CDH10: variants seen among roughly 807,000 people sequenced by gnomAD.
CDH10 encodes the protein cadherin-10.
A neutral mutation model predicts 73.1 loss-of-function variants in CDH10; 30 were observed. The ratio of observed to expected loss-of-function variants is 0.41; its 90% confidence interval spans 0.31 to 0.56. CDH10 has a LOEUF of 0.56. Among genes scored for constraint, CDH10 ranks in the 20% least tolerant of loss-of-function variants. CDH10 has a pLI of 0.27. For missense variants in CDH10, 815 were observed against 973.7 expected, an observed-to-expected ratio of 0.84 and a Z score of 2.17; for synonymous variants, 345 against 348.2, an observed-to-expected ratio of 0.99 and a Z score of 0.10.
intron 2 of CDH10, among the ~76,000 whole-genome samples, chr5:24,581,828 TG>T (rs1745814085): frequency 6.6e-6 from 1 of 152,222 alleles, no homozygotes; most frequent in Non-Finnish European, 1.5e-5. Context: ...TTTCATTATT[TG>T]CTTGGATTTA....
intron 8 of CDH10, among the ~76,000 whole-genome samples, chr5:24,504,328 G>T (rs560357246): frequency 6.6e-6 from 1 of 151,882 alleles, no homozygotes; most frequent in East Asian, 1.9e-4. Context: ...TTCAGATTTT[G>T]TTAACAAATT....
chr5:24,595,298 T>C (rs563740623), intron 1 of CDH10, among the ~76,000 whole-genome samples: 2 of 152,076 alleles, frequency 1.3e-5, no homozygotes, highest in East Asian at 3.9e-4. Context: ...AGTAATTTGT[T>C]AGCAATCTCT....
chr5:24,501,948 T>TCA (rs1742513441), intron 8 of CDH10, among the ~76,000 whole-genome samples: 1 of 151,822 alleles, frequency 6.6e-6, no homozygotes, highest in African/African-American at 2.4e-5. Context: ...AGAGGGAATC[T>TCA]CACTCTGTCG....
At chr5:24,571,878 A>T (rs1160803246) in intron 2 of CDH10, among the ~76,000 whole-genome samples, 1 of 152,028 alleles carries the variant, frequency 6.6e-6, no homozygotes, top group Non-Finnish European at 1.5e-5. Context: ...AAATCCTAAA[A>T]AATTAACAAT....
At chr5:24,613,071 C>T (rs1747002589) in intron 1 of CDH10, 2 of 151,556 alleles carry the variant, frequency 1.3e-5, no homozygotes, top group Non-Finnish European at 1.5e-5. Context: ...AGAGTACTTC[C>T]ATATAGAAAA....
At chr5:24,542,094 A>G (rs1744174766) in intron 2 of CDH10, among the ~76,000 whole-genome samples, 1 of 152,176 alleles carries the variant, frequency 6.6e-6, no homozygotes, top group South Asian at 2.1e-4. Flanking sequence ...TGCTAATTTT[A>G]TAACATTTCT....
At chr5:24,581,155 C>T (rs564864406) in intron 2 of CDH10, among the ~76,000 whole-genome samples, 1 of 152,260 alleles carries the variant, frequency 6.6e-6, no homozygotes, top group African/African-American at 2.4e-5. Context: ...CACCCCCCGA[C>T]CCATTACCTC....
chr5:24,586,798 TAATAAC>T (rs1471846448), intron 2 of CDH10, among the ~76,000 whole-genome samples: 1 of 150,034 alleles, frequency 6.7e-6, no homozygotes, highest in Non-Finnish European at 1.5e-5. Context: ...GTTCAGTGAT[TAATAAC>T]AATAATAATA....
chr5:24,487,632 T>A lies in CDH10; in HGVS notation c.*31A>T. 6.4e-7 allele frequency: 1 copy of A among 1,565,978 alleles called. No individual in the cohort carries two copies. Among genetic ancestry groups the A allele is most frequent in the Non-Finnish European group, 8.7e-7 (1 of 1,154,180 alleles). On this transcript the variant is annotated 3_prime_UTR_variant, in exon 12 of 12. Transcript: ENST00000264463. ...GGAGACAGCATGGGTAGAGTTACTT[T>A]CTCTTGTTTGAACAGAACATATATC... is the stretch of plus-strand genomic sequence containing the variant.
chr5:24,489,839 A>G (rs1157929863), intron 11 of CDH10, among the ~76,000 whole-genome samples: 2 of 152,108 alleles, frequency 1.3e-5, no homozygotes, highest in Non-Finnish European at 1.5e-5. Flanking sequence ...AATATGTAAG[A>G]TAGTGAGGCC....
chr5:24,616,831 C>T (rs1455017906), intron 1 of CDH10, among the ~76,000 whole-genome samples: 2 of 152,128 alleles, frequency 1.3e-5, no homozygotes, highest in African/African-American at 2.4e-5. Flanking sequence ...ATAAATTATA[C>T]TGGTCCTCAG....
At chr5:24,502,264 A>G (rs1254086237) in intron 8 of CDH10, among the ~76,000 whole-genome samples, 1 of 152,048 alleles carries the variant, frequency 6.6e-6, no homozygotes, top group East Asian at 1.9e-4. Flanking sequence ...GAAAAAGAGG[A>G]GTTATTCCGT....
At chr5:24,518,443 A>G (rs996299334) in intron 5 of CDH10, among the ~76,000 whole-genome samples, 2 of 152,156 alleles carry the variant, frequency 1.3e-5, no homozygotes, top group Non-Finnish European at 2.9e-5. Context: ...ACAGATAAAT[A>G]TATTTATATA....
intron 5 of CDH10, among the ~76,000 whole-genome samples, chr5:24,515,111 A>T (rs544364829): frequency 1.3e-5 from 2 of 152,322 alleles, no homozygotes; most frequent in South Asian, 4.1e-4. Context: ...GAATAAAATT[A>T]AAAATAACAG....
intron 1 of CDH10, among the ~76,000 whole-genome samples, chr5:24,613,422 T>C (rs1747018758): frequency 1.3e-5 from 2 of 152,084 alleles, no homozygotes. Context: ...ATTTTCTATG[T>C]GTTCTCTTTC....
intron 2 of CDH10, among the ~76,000 whole-genome samples, chr5:24,587,933 G>A (rs369686264): frequency 5.3e-5 from 8 of 152,244 alleles, no homozygotes; most frequent in African/African-American, 1.7e-4. Flanking sequence ...TACATTGTAT[G>A]CGTTTTGAGA....
intron 5 of CDH10, among the ~76,000 whole-genome samples, chr5:24,518,908 T>TTTTTTTA (rs1743208851): frequency 8.2e-6 from 1 of 122,158 alleles, no homozygotes; most frequent in Non-Finnish European, 1.8e-5. Flanking sequence ...TTTTTTTTTT[T>TTTTTTTA]GAGACAGAGT....
At chr5:24,604,304 G>A (rs1478218234) in intron 1 of CDH10, among the ~76,000 whole-genome samples, 1 of 152,136 alleles carries the variant, frequency 6.6e-6, no homozygotes, top group East Asian at 1.9e-4. Context: ...CTATAATCAT[G>A]TAATTGCCCT....
At chr5:24,550,940 C>T (rs192378535) in intron 2 of CDH10, among the ~76,000 whole-genome samples, 16 of 152,196 alleles carry the variant, frequency 1.1e-4, no homozygotes, top group African/African-American at 1.4e-4. Flanking sequence ...GCTTCTTTTT[C>T]GGTCATTCTA....
Sources: allele counts gnomAD v4.1 joint callset (sites outside exome capture counted in the v4.1 genomes callset), GRCh38; gene constraint gnomAD v4.1.1; transcripts MANE v1.5; gene names NCBI Gene and HGNC (gene_info 2026-07-23, HGNC 2026-07-21).